RBFOX1: variants seen among roughly 807,000 people sequenced by gnomAD.
The protein encoded by RBFOX1 is RNA binding protein fox-1 homolog 1.
In RBFOX1, 8 loss-of-function variants were observed where a neutral mutation model predicts 57.7. That is an observed-to-expected ratio of 0.14 (90% CI 0.08 to 0.25). RBFOX1 has a LOEUF of 0.25. Among genes scored for constraint, RBFOX1 ranks in the 10% least tolerant of loss-of-function variants. RBFOX1 has a pLI of 1.00. For synonymous variants in RBFOX1, 326 were observed against 222.4 expected (o/e 1.47, Z -4.15); for missense variants, 611 against 548.5 (o/e 1.11, Z -1.14).
chr16:6,293,253 T>C (rs750381979), intron 1 of RBFOX1, among the ~76,000 whole-genome samples: 13 of 152,098 alleles, frequency 8.5e-5, no homozygotes, highest in Non-Finnish European at 1.6e-4. Flanking sequence ...CTAAGAAATA[T>C]TGGATCAGGG....
chr16:5,925,267 T>C (rs966112413), intron 4 of RBFOX1, among the ~76,000 whole-genome samples: 1 of 152,132 alleles, frequency 6.6e-6, no homozygotes, highest in Non-Finnish European at 1.5e-5. Context: ...CAAATGTCCA[T>C]CAGCAAGTGA....
downstream of RBFOX1, among the ~76,000 whole-genome samples, chr16:5,602,709 T>C (rs1451590767): frequency 6.6e-6 from 1 of 152,168 alleles, no homozygotes; most frequent in Non-Finnish European, 1.5e-5. Flanking sequence ...AGTGAGCAGT[T>C]ATTTTCTTTG....
intron 2 of RBFOX1, among the ~76,000 whole-genome samples, chr16:5,497,191 G>C (rs994499800): frequency 2.9e-4 from 44 of 152,184 alleles, no homozygotes; most frequent in African/African-American, 9.6e-4. Flanking sequence ...CACCGGGGTT[G>C]GTGAATTTAG....
At chr16:7,439,949 CTT>C (rs144449326) in intron 4 of RBFOX1, among the ~76,000 whole-genome samples, 33,100 of 93,682 alleles carry the variant, frequency 0.35, 4,453 homozygotes, top group East Asian at 0.59. Flanking sequence ...TCTTTTCTTT[CTT>C]TTTTTTTTTT....
intron 4 of RBFOX1, among the ~76,000 whole-genome samples, chr16:7,201,511 G>T (rs993990108): frequency 2.0e-5 from 3 of 151,472 alleles, no homozygotes; most frequent in African/African-American, 7.3e-5. Flanking sequence ...GCCCAGGCTG[G>T]AGTGCAATGG....
At chr16:5,784,290 G>A (rs1165904008) in intron 3 of RBFOX1, among the ~76,000 whole-genome samples, 4 of 152,182 alleles carry the variant, frequency 2.6e-5, no homozygotes, top group Admixed American at 2.6e-4. Flanking sequence ...AGCTGGGCGT[G>A]GTGGCTGGCG....
intron 2 of RBFOX1, among the ~76,000 whole-genome samples, chr16:6,389,228 G>A (rs777663396): frequency 6.6e-6 from 1 of 152,162 alleles, no homozygotes; most frequent in Non-Finnish European, 1.5e-5. Flanking sequence ...CCATTTTTCT[G>A]TGTCTGTGGG....
intron 1 of RBFOX1, among the ~76,000 whole-genome samples, chr16:6,201,600 G>C (rs1395467545): frequency 6.6e-6 from 1 of 152,010 alleles, no homozygotes; most frequent in African/African-American, 2.4e-5. Flanking sequence ...TCTAATGTTT[G>C]GTGTCATAAT....
intron 3 of RBFOX1, among the ~76,000 whole-genome samples, chr16:5,740,622 C>T (rs1044225972): frequency 6.6e-6 from 1 of 152,156 alleles, no homozygotes; most frequent in Non-Finnish European, 1.5e-5. Flanking sequence ...TCAGGCATAG[C>T]TGGATCCAGG....
intron 3 of RBFOX1, among the ~76,000 whole-genome samples, chr16:6,790,168 T>TGTATTATTATTATTATTATTA (rs1567254659): frequency 1.5e-5 from 1 of 68,582 alleles, no homozygotes; most frequent in African/African-American, 7.7e-5. Flanking sequence ...TTTATTTTAT[T>TGTATTATTATTATTATTATTA]CTATTATTAT....
chr16:7,194,096 T>A (rs1315064617), intron 4 of RBFOX1, among the ~76,000 whole-genome samples: 1 of 152,160 alleles, frequency 6.6e-6, no homozygotes. Context: ...TCTCTTTCCA[T>A]TTCTCTTTCC....
intron 2 of RBFOX1, among the ~76,000 whole-genome samples, chr16:6,441,468 G>A (rs1453351410): frequency 6.6e-6 from 1 of 152,090 alleles, no homozygotes; most frequent in East Asian, 1.9e-4. Flanking sequence ...CCAGGCTGGA[G>A]TGCAGTGGGG....
chr16:6,337,849 T>A (rs1298601119), intron 2 of RBFOX1, among the ~76,000 whole-genome samples: 1 of 152,230 alleles, frequency 6.6e-6, no homozygotes, highest in Non-Finnish European at 1.5e-5. Flanking sequence ...ATATCCTGTA[T>A]GTCTGCCTTG....
chr16:7,155,823 G>A (rs2077004514), intron 4 of RBFOX1, among the ~76,000 whole-genome samples: 1 of 148,702 alleles, frequency 6.7e-6, no homozygotes, highest in African/African-American at 2.5e-5. Context: ...ATATGTAAAT[G>A]TGCTCTATAT....
rs188781877 is a variant in RBFOX1 at position 7,016,884 on chromosome 16, C to G, written c.-15-35173C>G. ...TTAAGACTGTTTCTTTTCTGGCTGT[C>G]ACTTGACCCTGTGTACCAACCTTGA... On this transcript the variant is annotated intron_variant, in intron 3 of 15. Coordinates refer to ENST00000550418, the MANE Select transcript of RBFOX1 (RefSeq NM_018723.4). Among the ~76,000 whole-genome samples, 259 of 152,238 alleles carry G rather than the reference C, an allele frequency of 1.7e-3. 2 individuals are homozygous for G. Among genetic ancestry groups the G allele is most frequent in the African/African-American group, 5.8e-3 (241 of 41,536 alleles).
chr16:7,142,536 C>T (rs1356224594), intron 4 of RBFOX1, among the ~76,000 whole-genome samples: 5 of 152,268 alleles, frequency 3.3e-5, no homozygotes, highest in Admixed American at 2.0e-4. Flanking sequence ...TACTGTTCTC[C>T]GCATGGCCGG....
At chr16:7,054,541 T>G (rs2051392371) in intron 4 of RBFOX1, among the ~76,000 whole-genome samples, 1 of 45,964 alleles carries the variant, frequency 2.2e-5, no homozygotes, top group Non-Finnish European at 7.0e-5. Flanking sequence ...GCGCCAAACC[T>G]GGGTGGGGGG....
At chr16:5,735,842 C>G (rs1316472669) in intron 3 of RBFOX1, among the ~76,000 whole-genome samples, 2 of 152,140 alleles carry the variant, frequency 1.3e-5, no homozygotes, top group African/African-American at 4.8e-5. Flanking sequence ...CACCACTGCA[C>G]TCCAGCCTTG....
chr16:6,650,663 A>G (rs1017758344), intron 2 of RBFOX1, among the ~76,000 whole-genome samples: 2 of 152,238 alleles, frequency 1.3e-5, no homozygotes, highest in African/African-American at 4.8e-5. Flanking sequence ...TCTGTTCTAC[A>G]TAAAACAAGA....
Sources: gnomAD v4.1 joint callset for allele counts (sites outside exome capture counted in the v4.1 genomes callset) on GRCh38, gnomAD v4.1.1 for gene constraint, MANE v1.5 for transcripts, NCBI Gene and HGNC (gene_info 2026-07-23, HGNC 2026-07-21) for gene names.